KCNK9: variants seen among roughly 807,000 people sequenced by gnomAD.
The protein encoded by KCNK9 is potassium two pore domain channel subfamily K member 9.
KCNK9 carries 1 observed loss-of-function variant against 10.8 expected under a neutral mutation model. The observed-to-expected ratio is 0.09, with a 90% CI of 0.03 to 0.44. KCNK9 has a LOEUF of 0.44. KCNK9 is among the 20% of genes least tolerant of loss of function. KCNK9 has a pLI of 0.97. For missense variants in KCNK9, 303 were observed against 515.0 expected, an observed-to-expected ratio of 0.59 and a Z score of 3.98; for synonymous variants, 231 against 222.7, an observed-to-expected ratio of 1.04 and a Z score of -0.33.
chr8:139,645,815 C>T (rs536250701), intron 1 of KCNK9, among the ~76,000 whole-genome samples: 1 of 152,362 alleles, frequency 6.6e-6, no homozygotes, highest in South Asian at 2.1e-4. Context: ...GCCCCTCCTC[C>T]TGCCTGCTCT....
rs1276501830 is a variant in KCNK9 at position 139,618,388 on chromosome 8, T to G, written c.995A>C (p.Tyr332Ser). ...GCTTGGTGAGATCTCCTCGATCTTGTAAGAGATGGAGTGGAAGTAGTGGGG... is the reference window on the plus strand; with the variant it reads ...GCTTGGTGAGATCTCCTCGATCTTGGAAGAGATGGAGTGGAAGTAGTGGGG... ...LAPHYFHSIS[Y>S]KIEEISPSTL... Residue 332 changes from tyrosine to serine, a missense_variant, in exon 2 of 2, where the codon TAC becomes TCC. Around this residue, in one of 5 missense-constraint regions of KCNK9, gnomAD observed 138 missense variants for 161.1 expected, o/e 0.86. Transcript: ENST00000520439. The surrounding 1 kb of genome is among the most constrained non-coding windows in gnomAD (Gnocchi z 7.9). The G allele has an allele frequency of 6.2e-7, 1 of 1,614,028 alleles. No homozygotes were observed. The highest frequency in any genetic ancestry group is 1.7e-5 in the Admixed American group (1 of 60,014).
chr8:139,620,716 T>C (rs1814751336), intron 1 of KCNK9, among the ~76,000 whole-genome samples: 1 of 152,144 alleles, frequency 6.6e-6, no homozygotes, highest in African/African-American at 2.4e-5. Flanking sequence ...TCTCTGGCCC[T>C]CAATCCCAGC....
intron 1 of KCNK9, among the ~76,000 whole-genome samples, chr8:139,700,538 A>ACGCGCG (rs1382780049): frequency 2.1e-4 from 25 of 119,856 alleles, no homozygotes; most frequent in Non-Finnish European, 3.6e-4. Context: ...ACACACACAC[A>ACGCGCG]CGCGCGCACA....
At chr8:139,666,599 C>G (rs538592514) in intron 1 of KCNK9, among the ~76,000 whole-genome samples, 7 of 152,232 alleles carry the variant, frequency 4.6e-5, no homozygotes, top group Non-Finnish European at 1.0e-4. Context: ...CACTTGCAGC[C>G]GCCACAACAT....
intron 1 of KCNK9, among the ~76,000 whole-genome samples, chr8:139,671,499 T>G (rs1032433144): frequency 1.5e-4 from 22 of 143,056 alleles, no homozygotes; most frequent in Non-Finnish European, 1.8e-4. Flanking sequence ...TTCATTCTTC[T>G]TTTTTTAGTT....
chr8:139,668,242 C>T (rs546928657), intron 1 of KCNK9, among the ~76,000 whole-genome samples: 1 of 152,144 alleles, frequency 6.6e-6, no homozygotes, highest in African/African-American at 2.4e-5. Flanking sequence ...TGGCTTAATA[C>T]TTGGATGATG....
intron 1 of KCNK9, among the ~76,000 whole-genome samples, chr8:139,673,481 G>A (rs546867417): frequency 1.3e-5 from 2 of 152,170 alleles, no homozygotes; most frequent in African/African-American, 4.8e-5. Context: ...GTGGGGATGC[G>A]TGCAGCCCAC....
chr8:139,697,252 T>A (rs773773375), intron 1 of KCNK9, among the ~76,000 whole-genome samples: 2 of 143,080 alleles, frequency 1.4e-5, no homozygotes, highest in Non-Finnish European at 3.0e-5. Context: ...GGTAGATGGG[T>A]GAATGGTGGA....
intron 1 of KCNK9, among the ~76,000 whole-genome samples, chr8:139,700,650 T>C (rs902325048): frequency 1.1e-4 from 17 of 152,204 alleles, no homozygotes; most frequent in African/African-American, 3.4e-4. Flanking sequence ...TCAGATGGCC[T>C]CTGGTCCCTT....
chr8:139,624,609 A>G (rs1281607457), intron 1 of KCNK9, among the ~76,000 whole-genome samples: 1 of 152,136 alleles, frequency 6.6e-6, no homozygotes, highest in Non-Finnish European at 1.5e-5. Flanking sequence ...GTGGTGAAGG[A>G]GATCCAGGAA....
At chr8:139,649,036 C>T (rs1214712765) in intron 1 of KCNK9, among the ~76,000 whole-genome samples, 2 of 152,198 alleles carry the variant, frequency 1.3e-5, no homozygotes, top group Non-Finnish European at 2.9e-5. Context: ...CTAAACCCAA[C>T]CCAAGGATGC....
intron 1 of KCNK9, among the ~76,000 whole-genome samples, chr8:139,620,356 C>A (rs1404109424): frequency 6.6e-6 from 1 of 152,202 alleles, no homozygotes; most frequent in Non-Finnish European, 1.5e-5. Context: ...TGCTGCTTTA[C>A]CTTGGGTTCC....
intron 1 of KCNK9, among the ~76,000 whole-genome samples, chr8:139,691,833 C>G (rs1383793431): frequency 6.6e-6 from 1 of 152,214 alleles, no homozygotes; most frequent in Non-Finnish European, 1.5e-5. Flanking sequence ...CCACTCCTCA[C>G]CAGCCACACC....
chr8:139,625,058 C>T (rs965655978), intron 1 of KCNK9, among the ~76,000 whole-genome samples: 12 of 152,330 alleles, frequency 7.9e-5, no homozygotes, highest in Non-Finnish European at 1.6e-4. Flanking sequence ...CACCTGGCCC[C>T]TCCCAGAACT....
chr8:139,702,642 G>C lies in KCNK9; in HGVS notation c.283+68C>G. 6 of 1,501,436 alleles carry C rather than the reference G, an allele frequency of 4.0e-6. No homozygotes were observed. The South Asian group carries it at 7.3e-5, about 18-fold the overall frequency. The allele number at this position is 1,501,436 out of a possible 1,614,324, so 93.0% of individuals were successfully genotyped here. On this transcript the variant is annotated intron_variant, in intron 1 of 1. Coordinates refer to ENST00000520439, the MANE Select transcript of KCNK9 (RefSeq NM_001282534.2). This position sits in a 1 kb window ranked among gnomAD's most constrained non-coding sequence, Gnocchi z 7.5. ...CGACGCCCTGCACCCAGCCCGGCGC[G>C]GCGCGCTCAGCCGCCTCCCCGGACT...
downstream of KCNK9, chr8:139,612,194 G>A (rs1388009803): frequency 6.6e-6 from 1 of 152,316 alleles, no homozygotes; most frequent in Non-Finnish European, 1.5e-5. Context: ...AGGCGCAGAG[G>A]TAGGAGTCTG....
intron 1 of KCNK9, among the ~76,000 whole-genome samples, chr8:139,641,393 C>A (rs1337162857): frequency 6.6e-6 from 1 of 152,178 alleles, no homozygotes; most frequent in Non-Finnish European, 1.5e-5. Flanking sequence ...TAGGGCTCAG[C>A]CCAGACAATC....
chr8:139,676,983 A>G (rs1484687212), intron 1 of KCNK9, among the ~76,000 whole-genome samples: 1 of 152,138 alleles, frequency 6.6e-6, no homozygotes, highest in African/African-American at 2.4e-5. Context: ...AGACAGACAA[A>G]ACAAAACAAA....
intron 1 of KCNK9, among the ~76,000 whole-genome samples, chr8:139,631,726 A>AT (rs1156513759): frequency 7.2e-5 from 11 of 151,992 alleles, no homozygotes; most frequent in African/African-American, 1.9e-4. Flanking sequence ...CAGAGGGAAA[A>AT]ATATATATAA....
Sources: allele counts gnomAD v4.1 joint callset (sites outside exome capture counted in the v4.1 genomes callset), GRCh38; gene constraint gnomAD v4.1.1; regional missense constraint gnomAD v4.1.1; non-coding constraint Gnocchi (gnomAD v3.1); transcripts MANE v1.5; gene names NCBI Gene and HGNC (gene_info 2026-07-23, HGNC 2026-07-21).